CYP11B2: variants seen among roughly 807,000 people sequenced by gnomAD.
CYP11B2 encodes the protein cytochrome P450 family 11 subfamily B member 2.
A neutral mutation model predicts 49.3 loss-of-function variants in CYP11B2; 38 were observed. The ratio of observed to expected loss-of-function variants is 0.77; its 90% CI spans 0.59 to 1.01. The LOEUF (loss-of-function observed/expected upper bound fraction) is 1.01, where lower values mean the gene tolerates loss of function less well. Ranked by LOEUF, CYP11B2 falls within the 50% of genes least tolerant of loss-of-function variation. The pLI is 0.00. For synonymous variants in CYP11B2, 290 were observed against 269.3 expected (o/e 1.08, Z -0.75); for missense variants, 669 against 655.5 (o/e 1.02, Z -0.23).
At chr8:142,913,008 A>G in intron 6 of CYP11B2, 123 bp from the exon 7 acceptor site, 1 of 1,066,576 alleles carries the variant, frequency 9.4e-7, no homozygotes, top group African/African-American at 1.6e-5. Flanking sequence ...GGTCGTAGGA[A>G]GTACTTCCTT....
intron 1 of CYP11B2, among the ~76,000 whole-genome samples, 164 bp from the exon 2 acceptor site, chr8:142,917,378 T>G (rs1817666284): frequency 6.6e-6 from 1 of 152,220 alleles, no homozygotes; most frequent in South Asian, 2.1e-4. Flanking sequence ...TCAACTTTAG[T>G]GCTTCTGAGT....
rs767870241 is a variant in CYP11B2, at chr8:142,917,733, C to T, written c.108G>A (p.Leu36=). ...GATGCTGGGGCATGGCTTCAAACGGCAGCACCGTCCTAGGGGCCCGAGCGG... is the reference window on the plus strand; with the variant it reads ...GATGCTGGGGCATGGCTTCAAACGGTAGCACCGTCCTAGGGGCCCGAGCGG... ...TRAARAPRTV[L]PFEAMPQHPG... The change falls in exon 1 of 9, where the codon CTG becomes CTA. Residue 36 remains leucine (L), a synonymous_variant. Transcript: ENST00000323110. The T allele has an allele frequency of 6.2e-7, 1 of 1,614,230 alleles. No individual in the cohort carries two copies. Among genetic ancestry groups the T allele is most frequent in the African/African-American group, 1.3e-5 (1 of 75,080 alleles).
chr8:142,912,850 A>C lies in CYP11B2; in HGVS notation c.1157T>G (p.Val386Gly), dbSNP rs61757294. Residue 386 changes from valine (V) to glycine (G), a missense_variant, in exon 7 of 9, where the codon GTG becomes GGG. By Grantham distance (109) the Val-to-Gly change is moderately radical. Transcript: ENST00000323110. ...YPVGLFLERVVSSDLVLQNYH... is the reference protein window; with the variant it reads ...YPVGLFLERVGSSDLVLQNYH... ...GTTCTGAAGCACCAAGTCTGAGCTC[A>C]CCACTCGCTCCAAAAACAGACCCAC... is the stretch of plus-strand genomic sequence containing the variant. 8.1e-6 allele frequency: 13 copies of C among 1,611,480 alleles called. No homozygotes were observed. The highest frequency in any genetic ancestry group is 1.7e-4 in the Middle Eastern group (1 of 5,944).
Position 142,917,614 on chromosome 8 carries a change from C to G in CYP11B2, c.227G>C (p.Gly76Ala). The G allele has an allele frequency of 6.2e-7, 1 of 1,614,226 alleles. No homozygotes were observed. Among genetic ancestry groups the G allele is most frequent in the Non-Finnish European group, 8.5e-7 (1 of 1,180,042 alleles). Residue 76 changes from glycine (G) to alanine (A), a missense_variant, in exon 1 of 9, where the codon GGG (glycine) becomes GCG (alanine). Coordinates refer to ENST00000323110, the MANE Select transcript of CYP11B2 (RefSeq NM_000498.3). ...GGGAGGGCTTTACCTGAAAATGGGCCCCAGCTCCTGGAAGGTCTGGTGCAT... is the reference window on the plus strand; with the variant it reads ...GGGAGGGCTTTACCTGAAAATGGGCGCCAGCTCCTGGAAGGTCTGGTGCAT... ...LEMHQTFQEL[G>A]PIFRYNLGGP...
In CYP11B2 at chr8:142,913,413, A is replaced by C; in HGVS notation, c.993T>G (p.Ala331=). ...GGATCTGCTGCACGTCGGGGTTCCGAGCCAGCTCAAAGAGCGTCATCAGCA... is the reference window on the plus strand; with the variant it reads ...GGATCTGCTGCACGTCGGGGTTCCGCGCCAGCTCAAAGAGCGTCATCAGCA... The part of the protein sequence containing the change: ...FPLLMTLFEL[A]RNPDVQQILR... Residue 331 remains alanine (A), a synonymous_variant, in exon 6 of 9, where the codon GCT becomes GCG. Coordinates refer to ENST00000323110, the MANE Select transcript of CYP11B2 (RefSeq NM_000498.3). 1.2e-6 allele frequency: 2 copies of C among 1,613,992 alleles called. No homozygotes were observed.
At position 142,917,066 on chromosome 8, in the gene CYP11B2, A is replaced by T; in HGVS notation, c.388T>A (p.Phe130Ile). Residue 130 changes from phenylalanine to isoleucine, a missense_variant, in exon 2 of 9, where the codon TTC becomes ATC. Transcript: ENST00000323110. ...RQHRGHKCGV[F>I]LLNGPEWRFN... ...TCCCAACTCGCCGCTTACAACAAGA[A>T]CACGCCACATTTGTGCCCACGATGT... 1 of 1,614,160 alleles carries T rather than the reference A, an allele frequency of 6.2e-7. No individual in the cohort carries two copies. Among genetic ancestry groups the T allele is most frequent in the Non-Finnish European group, 8.5e-7 (1 of 1,180,016 alleles).
chr8:142,912,228 T>C, intron 8 of CYP11B2, 135 bp from the exon 9 acceptor site: 6 of 1,467,842 alleles, frequency 4.1e-6, no homozygotes, highest in Non-Finnish European at 5.6e-6. Context: ...ATCCCACTTC[T>C]GACCAGCCCC....
At chr8:142,912,777 C>G (rs1188263824) in intron 7 of CYP11B2, 30 bp downstream of exon 7, 1 of 1,613,792 alleles carries the variant, frequency 6.2e-7, no homozygotes. Flanking sequence ...GAGGGAGGTT[C>G]TCAGCTCGAG....
At chr8:142,913,500 C>T (rs1312753377) in intron 5 of CYP11B2, 49 bp from the exon 6 acceptor site, 14 of 1,611,316 alleles carry the variant, frequency 8.7e-6, no homozygotes, top group Middle Eastern at 1.6e-4. Context: ...GAGGACTCAG[C>T]CCCCGGGACA....
rs369251345 is a variant in CYP11B2 at position 142,913,365 on chromosome 8, G to T, written c.1041C>A (p.Ala347=). Reference sequence around the variant, plus strand: ...GGGGATGTTCACTGATGCTGGCTGCGGCGGCCAGGCTCTCCTGGCGCAGGA... The same window carrying T: ...GGGGATGTTCACTGATGCTGGCTGCTGCGGCCAGGCTCTCCTGGCGCAGGA... ...QQILRQESLA[A]AASISEHPQK... Residue 347 remains alanine (A), a synonymous_variant, in exon 6 of 9, where the codon GCC becomes GCA. Transcript: ENST00000323110. 1 of 1,613,822 alleles carries T rather than the reference G, an allele frequency of 6.2e-7. No homozygotes were observed. Among genetic ancestry groups the T allele is most frequent in the Non-Finnish European group, 8.5e-7 (1 of 1,180,020 alleles).
chr8:142,917,354 C>T (rs1817665858), intron 1 of CYP11B2, 140 bp from the exon 2 acceptor site: 1 of 1,401,468 alleles, frequency 7.1e-7, no homozygotes, highest in Non-Finnish European at 9.9e-7. Context: ...CTCCTGCTGG[C>T]TCCCTGGAAC....
chr8:142,914,195 T>C (rs2130328499), intron 5 of CYP11B2, 69 bp downstream of exon 5: 1 of 1,582,882 alleles, frequency 6.3e-7, no homozygotes, highest in Non-Finnish European at 8.7e-7. Context: ...CCGTGTGGCA[T>C]TGGCAGGCAG....
Position 142,910,946 on chromosome 8 carries a change from C to T in CYP11B2, c.*1034G>A, listed in dbSNP as rs1328335616. On this transcript the variant is annotated 3_prime_UTR_variant, in exon 9 of 9. Coordinates refer to ENST00000323110, the MANE Select transcript of CYP11B2 (RefSeq NM_000498.3). This position sits in a 1 kb window ranked among gnomAD's most constrained non-coding sequence, Gnocchi z 4.6. ...GTTCTCACCCTGGGGCACTTCCTAT[C>T]CCTGCACAGGAGCACTGGGGAGTGG... The T allele has an allele frequency of 6.6e-6, 1 of 152,190 alleles. No individual in the cohort carries two copies. Among genetic ancestry groups the T allele is most frequent in the Non-Finnish European group, 1.5e-5 (1 of 68,092 alleles). The allele number at this position is 152,190 out of a possible 1,614,324, so 9.4% of individuals were successfully genotyped here. A position where few individuals can be genotyped will look rare whatever the true frequency, so the allele number is the denominator to read the frequency against.
Position 142,917,805 on chromosome 8 carries a change from T to C in CYP11B2, c.36A>G (p.Ala12=). Residue 12 remains alanine (A), a synonymous_variant, in exon 1 of 9, where the codon GCA becomes GCG. Transcript: ENST00000323110. ...CCCTTTGCAGGGACAGCCAGGGCGC[T>C]GCCACGCACACCTCTGCCTTTGCCC... is the stretch of plus-strand genomic sequence containing the variant. ...ALRAKAEVCV[A]APWLSLQRAR... 6.2e-7 allele frequency: 1 copy of C among 1,614,168 alleles called. No homozygotes were observed.
In CYP11B2 at chr8:142,913,437, C is replaced by T. The variant is rs773436263; in HGVS notation, c.969G>A (p.Leu323=). ...GAGCCAGCTCAAAGAGCGTCATCAG[C>T]AAGGGAAACGCTGTCTACAGAAGCC... ...AGSVDTTAFP[L]LMTLFELARN... Residue 323 remains leucine (L), a synonymous_variant, in exon 6 of 9, where the codon TTG becomes TTA. Transcript: ENST00000323110. The T allele has an allele frequency of 1.9e-6, 3 of 1,614,034 alleles. No individual in the cohort carries two copies. The highest frequency in any genetic ancestry group is 2.5e-6 in the Non-Finnish European group (3 of 1,180,006).
intron 2 of CYP11B2, among the ~76,000 whole-genome samples, chr8:142,916,000 G>A (rs1303866425): frequency 1.3e-5 from 2 of 152,146 alleles, no homozygotes; most frequent in Admixed American, 6.5e-5. Context: ...GCATGTGCAT[G>A]TGTGCACAAA....
chr8:142,913,336 T>C lies in CYP11B2; in HGVS notation c.1070A>G (p.Lys357Arg). The C allele has an allele frequency of 2.5e-6, 4 of 1,613,640 alleles. No individual in the cohort carries two copies. The highest frequency in any genetic ancestry group is 3.4e-6 in the Non-Finnish European group (4 of 1,179,912). The change falls in exon 6 of 9, where the codon AAG becomes AGG. Residue 357 changes from lysine (K) to arginine (R), a missense_variant. Lys to Arg is a conservative substitution (Grantham distance 26). Coordinates refer to ENST00000323110, the MANE Select transcript of CYP11B2 (RefSeq NM_000498.3). ...CAGCAAGGGCAGCTCGGTGGTTGCC[T>C]TCTGGGGATGTTCACTGATGCTGGC... The part of the protein sequence containing the change: ...AAASISEHPQ[K>R]ATTELPLLRA...
rs1262972164 is a variant in CYP11B2 at position 142,913,265 on chromosome 8, A to T, written c.1121+20T>A. 1 of 1,611,302 alleles carries T rather than the reference A, an allele frequency of 6.2e-7. No homozygotes were observed. The highest frequency in any genetic ancestry group is 1.3e-5 in the African/African-American group (1 of 74,712). The stretch of plus-strand genomic sequence containing the variant: ...CCAGCAGGGGGCCAGGGCCACAGGG[A>T]GGCCTCAGCCAGCACCCACCGCAAG... On this transcript the variant is annotated intron_variant, in intron 6 of 8. Transcript: ENST00000323110.
Position 142,914,155 on chromosome 8 carries a change from C to T in CYP11B2, c.954+109G>A, listed in dbSNP as rs1387998243. On this transcript the variant is annotated intron_variant, in intron 5 of 8. Transcript: ENST00000323110. ...GGCTGAGGGCAACAGAAATGTGGGG[C>T]CTGTAGCCTGGGGATGGGGAACGTG... 10 of 1,262,974 alleles carry T rather than the reference C, an allele frequency of 7.9e-6. No homozygotes were observed. The South Asian group carries it at 9.8e-5, about 12-fold the overall frequency. 78.2% of individuals were successfully genotyped at this position (1,262,974 alleles called of 1,614,324 possible).
Sources: gnomAD v4.1 joint callset for allele counts (sites outside exome capture counted in the v4.1 genomes callset) on GRCh38, gnomAD v4.1.1 for gene constraint, Gnocchi (gnomAD v3.1) non-coding constraint, MANE v1.5 for transcripts, NCBI Gene and HGNC (gene_info 2026-07-23, HGNC 2026-07-21) for gene names.